CENPC: variants seen among roughly 807,000 people sequenced by gnomAD.
The protein encoded by CENPC is CENP-C 1.
CENPC carries 63 observed loss-of-function variants against 112.1 expected under a neutral mutation model. The observed-to-expected ratio is 0.56, with a 90% confidence interval of 0.46 to 0.69. The LOEUF is 0.69. CENPC is among the 30% of genes least tolerant of loss of function. The pLI is 0.00. For synonymous variants in CENPC, 333 were observed against 367.6 expected (o/e 0.91, Z 1.08); for missense variants, 1,000 against 1,103.8 (o/e 0.91, Z 1.33).
intron 9 of CENPC, among the ~76,000 whole-genome samples, chr4:67,511,578 T>C (rs1431214481): frequency 6.6e-6 from 1 of 152,170 alleles, no homozygotes; most frequent in Admixed American, 6.6e-5. Flanking sequence ...TTCCCGTCAT[T>C]TCCTAATTGG....
chr4:67,514,105 A>G lies in CENPC; in HGVS notation c.1413T>C (p.Asp471=), dbSNP rs748067214. 6.2e-7 allele frequency: 1 copy of G among 1,601,842 alleles called. No individual in the cohort carries two copies. The highest frequency in any genetic ancestry group is 2.2e-5 in the East Asian group (1 of 44,682). Residue 471 remains aspartate, a synonymous_variant, in exon 8 of 19, where the codon GAT becomes GAC. Coordinates refer to ENST00000273853, the MANE Select transcript of CENPC (RefSeq NM_001812.4). ...GTGGCATCTGTTTTTTGGAAACACA[A>G]TCATTTCCCATCTCTTCATGCTCTT... ...NMEEHEEMGN[D]CVSKKQMPPV... is the part of the protein sequence containing the mutation.
In CENPC at chr4:67,514,683, TG is replaced by T; in HGVS notation, c.834del (p.Ile279LeufsTer20). 6.2e-7 allele frequency: 1 copy of T among 1,605,580 alleles called. No individual in the cohort carries two copies. Among genetic ancestry groups the T allele is most frequent in the South Asian group, 1.1e-5 (1 of 89,642 alleles). On this transcript the variant is annotated frameshift_variant, in exon 8 of 19. Transcript: ENST00000273853. LOFTEE classifies it high-confidence loss of function. ...GGAGCAGTTGCCGCATGCCTAACAA[TG>T]GGACTGAAACAGGGTGATACTTTTA... is the stretch of plus-strand genomic sequence containing the variant. Reference protein sequence around the residue: ...ETVKRKSESSPIVRHAATAPP... With the variant: ...ETVKRKSESSXIVRHAATAPP...
At chr4:67,516,586 AT>A (rs1410984092) in intron 7 of CENPC, among the ~76,000 whole-genome samples, 3 of 152,038 alleles carry the variant, frequency 2.0e-5, no homozygotes, top group African/African-American at 7.3e-5. Flanking sequence ...ACTCTAAAAA[AT>A]ATACTCTCTA....
intron 17 of CENPC, among the ~76,000 whole-genome samples, chr4:67,483,380 T>A (rs954368949): frequency 9.2e-5 from 14 of 151,888 alleles, no homozygotes; most frequent in Admixed American, 9.2e-4. Context: ...ATTATCTATG[T>A]AACCAAACAC....
chr4:67,511,057 T>G (rs965461586), intron 9 of CENPC: 10 of 456,006 alleles, frequency 2.2e-5, no homozygotes, highest in African/African-American at 6.0e-5. Flanking sequence ...CCCAAAGCAG[T>G]AACAGTATTA....
rs1726875582 is a variant in CENPC, at chr4:67,541,061, A to G, written c.66-11T>C. ...TTAATGTCACGTGCCCTAATAAAGG[A>G]AAAATACAGCCTGTCATTTTCAGAA... On this transcript the variant is annotated splice_polypyrimidine_tract_variant and intron_variant, in intron 2 of 18. Coordinates refer to ENST00000273853, the MANE Select transcript of CENPC (RefSeq NM_001812.4). 6.3e-7 allele frequency: 1 copy of G among 1,581,632 alleles called. No homozygotes were observed.
rs1724690169 is a variant in CENPC, at chr4:67,472,408, G to A, written c.*197C>T. ...ATCATAAATATGGACATCGCTACAA[G>A]CTATTATGTACAGTCACTGAAAAAT... On this transcript the variant is annotated 3_prime_UTR_variant, in exon 19 of 19. Coordinates refer to ENST00000273853, the MANE Select transcript of CENPC (RefSeq NM_001812.4). The A allele has an allele frequency of 1.8e-6, 1 of 552,126 alleles. No individual in the cohort carries two copies. Among genetic ancestry groups the A allele is most frequent in the African/African-American group, 2.0e-5 (1 of 50,534 alleles). The allele number at this position is 552,126 out of a possible 1,614,324, so 34.2% of individuals were successfully genotyped here.
chr4:67,528,292 C>T lies in CENPC; in HGVS notation c.331+2523G>A, dbSNP rs73829210. On this transcript the variant is annotated intron_variant, in intron 5 of 18. Transcript: ENST00000273853. ...TAGGAGGGAGGGGAGAATGGGGAGC[C>T]AGGAGACAGGCTTTATTAAAATATT... Among the ~76,000 whole-genome samples, 577 of 152,132 alleles carry T rather than the reference C, an allele frequency of 3.8e-3. 4 individuals carry two copies. Among genetic ancestry groups the T allele is most frequent in the African/African-American group, 0.013 (557 of 41,506 alleles).
chr4:67,480,135 C>G (rs891191394), intron 17 of CENPC, among the ~76,000 whole-genome samples: 17 of 152,164 alleles, frequency 1.1e-4, no homozygotes, highest in Non-Finnish European at 2.4e-4. Context: ...GGCTGGCCAA[C>G]ATGGCAAAAC....
At chr4:67,532,865 G>T (rs1034360410) in intron 4 of CENPC, among the ~76,000 whole-genome samples, 1 of 152,164 alleles carries the variant, frequency 6.6e-6, no homozygotes, top group Non-Finnish European at 1.5e-5. Flanking sequence ...CCTGCACGTT[G>T]TGCACATGTA....
intron 17 of CENPC, among the ~76,000 whole-genome samples, chr4:67,478,776 G>A (rs956749176): frequency 7.2e-5 from 11 of 151,870 alleles, no homozygotes; most frequent in Non-Finnish European, 1.2e-4. Flanking sequence ...GATACAGAAC[G>A]GCAGAATGCA....
chr4:67,489,259 T>C (rs1449437005), intron 17 of CENPC, among the ~76,000 whole-genome samples: 3 of 151,120 alleles, frequency 2.0e-5, no homozygotes, highest in African/African-American at 7.3e-5. Flanking sequence ...TGCAGAGGTG[T>C]ATGTCTCTAA....
At chr4:67,481,611 C>T (rs941126736) in intron 17 of CENPC, among the ~76,000 whole-genome samples, 1 of 152,106 alleles carries the variant, frequency 6.6e-6, no homozygotes, top group Non-Finnish European at 1.5e-5. Flanking sequence ...TACTTACAGC[C>T]AACTGATCTT....
At chr4:67,477,207 T>C (rs1427420349) in intron 17 of CENPC, among the ~76,000 whole-genome samples, 15 of 152,200 alleles carry the variant, frequency 9.9e-5, no homozygotes. Context: ...TACCATCTCC[T>C]GGCTGGTGGC....
chr4:67,498,703 C>T (rs1386806899), intron 12 of CENPC, among the ~76,000 whole-genome samples: 2 of 152,218 alleles, frequency 1.3e-5, no homozygotes, highest in African/African-American at 4.8e-5. Flanking sequence ...AGTTCCCTGG[C>T]TATTTCCACC....
intron 11 of CENPC, among the ~76,000 whole-genome samples, chr4:67,505,919 AATC>A (rs1725718539): frequency 6.6e-6 from 1 of 152,262 alleles, no homozygotes; most frequent in Middle Eastern, 3.4e-3. Context: ...AAAAGAAAGA[AATC>A]ATCATATTTT....
chr4:67,494,489 A>C (rs1377707983), intron 13 of CENPC, among the ~76,000 whole-genome samples: 2 of 152,134 alleles, frequency 1.3e-5, no homozygotes, highest in East Asian at 3.9e-4. Flanking sequence ...TTAAGTATTG[A>C]GAGGTATAGC....
intron 14 of CENPC, 104 bp downstream of exon 14, chr4:67,493,780 G>T: frequency 1.6e-6 from 1 of 627,304 alleles, no homozygotes; most frequent in Non-Finnish European, 2.7e-6. Flanking sequence ...AATTTGGGGG[G>T]GTGATGATTA....
chr4:67,523,303 A>ACT (rs142368514), intron 5 of CENPC, among the ~76,000 whole-genome samples: 95,388 of 151,568 alleles, frequency 0.63, 30,259 homozygotes, highest in East Asian at 0.81. Flanking sequence ...ACAGAGGGAG[A>ACT]CTCTCTCAAA....
Sources: gnomAD v4.1 joint callset for allele counts (sites outside exome capture counted in the v4.1 genomes callset) on GRCh38, gnomAD v4.1.1 for gene constraint, MANE v1.5 for transcripts, NCBI Gene and HGNC (gene_info 2026-07-23, HGNC 2026-07-21) for gene names.